The following CRPPA variants were observed in gnomAD, a reference collection of about 807,000 sequenced individuals.
The protein encoded by CRPPA is D-ribitol-5-phosphate cytidylyltransferase.
In CRPPA, 43 loss-of-function variants were observed where a neutral mutation model predicts 52.0. That is an observed-to-expected ratio of 0.83 (90% CI 0.65 to 1.07). The LOEUF (loss-of-function observed/expected upper bound fraction) is 1.07. Ranked by LOEUF, CRPPA falls within the 50% of genes least tolerant of loss-of-function variation. CRPPA has a pLI of 0.00. For missense variants in CRPPA, 629 were observed against 551.7 expected, an observed-to-expected ratio of 1.14 and a Z score of -1.40; for synonymous variants, 250 against 203.5, an observed-to-expected ratio of 1.23 and a Z score of -1.94.
chr7:16,101,751 G>C (rs1782050400), intron 9 of CRPPA, among the ~76,000 whole-genome samples: 2 of 152,070 alleles, frequency 1.3e-5, no homozygotes, highest in South Asian at 2.1e-4. Context: ...ACTCAGAAGG[G>C]ATGTGAAATA....
chr7:16,156,992 G>C (rs1433335469), intron 9 of CRPPA, among the ~76,000 whole-genome samples: 1 of 152,058 alleles, frequency 6.6e-6, no homozygotes, highest in Non-Finnish European at 1.5e-5. Context: ...CAATAACATA[G>C]TTTTTTTGTT....
chr7:16,406,082 G>T lies in CRPPA; in HGVS notation c.513C>A (p.Val171=). The change falls in exon 2 of 10, where the codon GTC becomes GTA. Residue 171 remains valine (V), a synonymous_variant. Coordinates refer to ENST00000407010, the MANE Select transcript of CRPPA (RefSeq NM_001101426.4). ...FVEEGVLLKV[V]TAAKEHGAAG... ...TTACCCCGTGTTCCTTAGCAGCTGT[G>T]ACAACTTTAAGAAGGACACCTTCCT... The T allele has an allele frequency of 6.2e-7, 1 of 1,613,614 alleles. No individual in the cohort carries two copies. The highest frequency in any genetic ancestry group is 1.1e-5 in the South Asian group (1 of 91,012).
chr7:16,414,926 A>G (rs1180584823), intron 1 of CRPPA, among the ~76,000 whole-genome samples: 1 of 152,220 alleles, frequency 6.6e-6, no homozygotes, highest in African/African-American at 2.4e-5. Flanking sequence ...ATTAACCTAT[A>G]CACACATTCA....
Position 16,091,709 on chromosome 7 carries a change from G to C in CRPPA, c.1342C>G (p.Leu448Val). The C allele has an allele frequency of 6.5e-7, 1 of 1,549,530 alleles. No individual in the cohort carries two copies. The highest frequency in any genetic ancestry group is 8.7e-7 in the Non-Finnish European group (1 of 1,144,068). The change falls in exon 10 of 10, where the codon CTT (leucine) becomes GTT (valine). Residue 448 changes from leucine (L) to valine (V), a missense_variant. By Grantham distance (32) the Leu-to-Val change is conservative. Coordinates refer to ENST00000407010, the MANE Select transcript of CRPPA (RefSeq NM_001101426.4). ...TTTTGTGTTCTTCATGCTATCAGAA[G>C]CTGACCAATGAGTCCAGAATTTCTT... ...KERNSGLIGQ[L>V]LIA
intron 9 of CRPPA, among the ~76,000 whole-genome samples, chr7:16,201,224 C>T (rs193175733): frequency 3.9e-5 from 6 of 152,214 alleles, no homozygotes; most frequent in Non-Finnish European, 7.4e-5. Context: ...GCATTGTTCA[C>T]GACAGGAGAC....
chr7:16,405,427 T>C (rs967834686), intron 2 of CRPPA, among the ~76,000 whole-genome samples: 3 of 152,180 alleles, frequency 2.0e-5, no homozygotes, highest in Admixed American at 1.3e-4. Flanking sequence ...CTATTTCTAT[T>C]ATATAATACC....
At chr7:16,286,038 AATATAAATATATATAT>A (rs1487489862) in intron 5 of CRPPA, among the ~76,000 whole-genome samples, 199 of 17,470 alleles carry the variant, frequency 0.011, 9 homozygotes, top group African/African-American at 0.019. Context: ...AAAAAAAAAA[AATATAAATATATATAT>A]ATATATATAT....
chr7:16,184,259 G>C (rs964172860), intron 9 of CRPPA, among the ~76,000 whole-genome samples: 4 of 152,046 alleles, frequency 2.6e-5, no homozygotes, highest in African/African-American at 4.8e-5. Context: ...CTTCATAGCA[G>C]TATGAAAATG....
At chr7:16,185,212 C>T (rs1301345691) in intron 9 of CRPPA, among the ~76,000 whole-genome samples, 3 of 152,188 alleles carry the variant, frequency 2.0e-5, no homozygotes, top group African/African-American at 4.8e-5. Context: ...TCACACATGG[C>T]AGCAGACAAG....
intron 2 of CRPPA, among the ~76,000 whole-genome samples, chr7:16,378,554 A>G (rs1303976840): frequency 1.3e-5 from 2 of 152,104 alleles, no homozygotes; most frequent in Non-Finnish European, 2.9e-5. Context: ...TATTGTGAAT[A>G]GTGCCACAAT....
chr7:16,199,335 T>G (rs943769063), intron 9 of CRPPA, among the ~76,000 whole-genome samples: 4 of 152,218 alleles, frequency 2.6e-5, no homozygotes, highest in Admixed American at 6.5e-5. Context: ...CTCTCCACTT[T>G]AATCAATGTC....
rs552333790 is a variant in CRPPA at position 16,399,123 on chromosome 7, T to C, written c.534+6938A>G. Among the ~76,000 whole-genome samples the C allele has an allele frequency of 2.8e-3, 419 of 152,194 alleles. 5 individuals are homozygous for C. The highest frequency in any genetic ancestry group is 3.3e-3 in the South Asian group (16 of 4,820). Reference sequence around the variant, plus strand: ...GTGATCGTCATTTTGGGTCAGCACGTGACATTTCACCAATGTGTGACCAAA... The same window carrying C: ...GTGATCGTCATTTTGGGTCAGCACGCGACATTTCACCAATGTGTGACCAAA... On this transcript the variant is annotated intron_variant, in intron 2 of 9. Coordinates refer to ENST00000407010, the MANE Select transcript of CRPPA (RefSeq NM_001101426.4).
At chr7:16,248,439 C>T (rs1022805210) in intron 8 of CRPPA, among the ~76,000 whole-genome samples, 1 of 152,014 alleles carries the variant, frequency 6.6e-6, no homozygotes, top group African/African-American at 2.4e-5. Flanking sequence ...TGGCAGATTC[C>T]GATTTGGGTG....
chr7:16,159,266 A>T (rs965718606), intron 9 of CRPPA, among the ~76,000 whole-genome samples: 1 of 152,074 alleles, frequency 6.6e-6, no homozygotes, highest in Non-Finnish European at 1.5e-5. Flanking sequence ...AAAATACACA[A>T]ATTAGCCCTG....
chr7:16,186,131 T>G (rs906057288), intron 9 of CRPPA, among the ~76,000 whole-genome samples: 10 of 152,220 alleles, frequency 6.6e-5, no homozygotes, highest in African/African-American at 2.4e-4. Context: ...TAGGTAGATA[T>G]CTACTAAAAT....
At chr7:16,420,201 C>T (rs10464288) in intron 1 of CRPPA, among the ~76,000 whole-genome samples, 23,137 of 152,138 alleles carry the variant, frequency 0.15, 2,001 homozygotes, top group Admixed American at 0.19. Context: ...GAAATGCAAA[C>T]GGTTCGCATC....
In CRPPA at chr7:16,231,906, G is replaced by A. The variant is rs150648866; in HGVS notation, c.1120-15709C>T. On this transcript the variant is annotated intron_variant, in intron 8 of 9. Coordinates refer to ENST00000407010, the MANE Select transcript of CRPPA (RefSeq NM_001101426.4). The stretch of plus-strand genomic sequence containing the variant: ...AGCTGTACATGTACCCCATCCTACT[G>A]CCCGCAAGAGAGTTTCAGGACATGG... 8.8e-4 allele frequency among the ~76,000 whole-genome samples: 134 copies of A among 152,270 alleles called. 5 individuals carry two copies. In the East Asian group the frequency reaches 0.021, roughly 24 times the overall value.
intron 9 of CRPPA, among the ~76,000 whole-genome samples, chr7:16,106,910 A>C (rs1197434304): frequency 1.3e-5 from 2 of 152,132 alleles, no homozygotes; most frequent in African/African-American, 4.8e-5. Flanking sequence ...GAAAACAAAG[A>C]CTTGACAAAG....
At chr7:16,160,980 T>C (rs1026684528) in intron 9 of CRPPA, among the ~76,000 whole-genome samples, 11 of 152,214 alleles carry the variant, frequency 7.2e-5, no homozygotes, top group African/African-American at 2.7e-4. Context: ...TGTTGATGTA[T>C]AGGAAAGCTT....
Sources: allele counts gnomAD v4.1 joint callset (sites outside exome capture counted in the v4.1 genomes callset), GRCh38; gene constraint gnomAD v4.1.1; transcripts MANE v1.5; gene names NCBI Gene and HGNC (gene_info 2026-07-23, HGNC 2026-07-21).